ITSN1: variants seen among roughly 807,000 people sequenced by gnomAD.
The protein encoded by ITSN1 is intersectin 1, also known as intersectin-1.
ITSN1 carries 58 observed loss-of-function variants against 239.8 expected under a neutral mutation model. The ratio of observed to expected loss-of-function variants is 0.24; its 90% CI spans 0.20 to 0.30. The LOEUF is 0.30. Ranked by LOEUF, ITSN1 falls within the 10% of genes least tolerant of loss-of-function variation. ITSN1 has a pLI of 1.00. For synonymous variants in ITSN1, 780 were observed against 770.8 expected, an observed-to-expected ratio of 1.01 and a Z score of -0.20; for missense variants, 1,558 against 2,103.3, an observed-to-expected ratio of 0.74 and a Z score of 5.07.
chr21:33,823,751 A>G (rs1034501219), intron 25 of ITSN1, 98 bp downstream of exon 25: 9 of 1,168,248 alleles, frequency 7.7e-6, no homozygotes, highest in African/African-American at 6.1e-5. Flanking sequence ...GGGTTTTGCT[A>G]AGTTCTGGAA....
chr21:33,689,912 G>A (rs2091427115), intron 1 of ITSN1, among the ~76,000 whole-genome samples: 1 of 149,958 alleles, frequency 6.7e-6, no homozygotes, highest in African/African-American at 2.5e-5. Flanking sequence ...AGGTTGCAGT[G>A]AGCTGAGATT....
At chr21:33,821,506 T>G (rs1319180122) in intron 24 of ITSN1, among the ~76,000 whole-genome samples, 1 of 152,198 alleles carries the variant, frequency 6.6e-6, no homozygotes, top group African/African-American at 2.4e-5. Flanking sequence ...ATTTAAAATA[T>G]TGGCTTGGGG....
chr21:33,737,602 C>T (rs902315535), intron 5 of ITSN1, among the ~76,000 whole-genome samples: 6 of 152,072 alleles, frequency 3.9e-5, no homozygotes, highest in Non-Finnish European at 1.5e-5. Flanking sequence ...GAGACAGACT[C>T]TCACTTAGTC....
chr21:33,801,331 T>C (rs2148080046), intron 19 of ITSN1, among the ~76,000 whole-genome samples: 1 of 152,358 alleles, frequency 6.6e-6, no homozygotes, highest in African/African-American at 2.4e-5. Context: ...GGATCTTTAA[T>C]AGGCTAAAAT....
intron 34 of ITSN1, among the ~76,000 whole-genome samples, chr21:33,877,706 C>T (rs1200072848): frequency 6.6e-6 from 1 of 152,108 alleles, no homozygotes; most frequent in Admixed American, 6.6e-5. Flanking sequence ...GCAAGGTCAG[C>T]GTCAGCAGAT....
chr21:33,727,798 TC>T lies in ITSN1; in HGVS notation c.185+5149del, dbSNP rs2065918302. Among the ~76,000 whole-genome samples the T allele has an allele frequency of 1.3e-5, 2 of 151,740 alleles. 1 individual carries two copies. Among genetic ancestry groups the T allele is most frequent in the Non-Finnish European group, 2.9e-5 (2 of 67,960 alleles). The stretch of plus-strand genomic sequence containing the variant: ...TCTTTTCTTCACCCTGCATACCCAG[TC>T]CATCAACGTAATTGCATTTACGGAC... On this transcript the variant is annotated intron_variant, in intron 4 of 39. Transcript: ENST00000381318.
chr21:33,707,251 G>A (rs2092280699), intron 1 of ITSN1, among the ~76,000 whole-genome samples: 1 of 152,046 alleles, frequency 6.6e-6, no homozygotes, highest in African/African-American at 2.4e-5. Context: ...TGTAATTGAA[G>A]TGTACTAAAT....
chr21:33,846,342 C>G (rs1353135665), intron 29 of ITSN1, among the ~76,000 whole-genome samples: 9 of 152,192 alleles, frequency 5.9e-5, no homozygotes, highest in Admixed American at 6.5e-5. Context: ...TTCTGAATTC[C>G]TTATCACACA....
chr21:33,877,992 C>T (rs1193893201), intron 34 of ITSN1, among the ~76,000 whole-genome samples: 1 of 142,162 alleles, frequency 7.0e-6, no homozygotes, highest in Non-Finnish European at 1.5e-5. Flanking sequence ...GTCTCTCTTT[C>T]TCTTTCTCTC....
intron 20 of ITSN1, among the ~76,000 whole-genome samples, chr21:33,804,639 AG>A (rs1195078086): frequency 1.3e-5 from 2 of 152,180 alleles, no homozygotes; most frequent in East Asian, 3.9e-4. Flanking sequence ...CAATACTTGG[AG>A]GGTGAATTAA....
chr21:33,719,419 C>T (rs747551584), intron 2 of ITSN1, among the ~76,000 whole-genome samples: 2 of 152,038 alleles, frequency 1.3e-5, no homozygotes, highest in African/African-American at 2.4e-5. Context: ...CCAGCCTGGG[C>T]GACAGAGCAA....
At chr21:33,845,589 C>T (rs1366597728) in intron 29 of ITSN1, among the ~76,000 whole-genome samples, 1 of 152,092 alleles carries the variant, frequency 6.6e-6, no homozygotes. Flanking sequence ...CTCATTTATT[C>T]CTATTTGTGC....
chr21:33,821,251 A>G (rs913127818), intron 24 of ITSN1, among the ~76,000 whole-genome samples: 4 of 151,728 alleles, frequency 2.6e-5, no homozygotes, highest in Non-Finnish European at 5.9e-5. Context: ...ATTGGGCAAC[A>G]TAATAGAGTT....
intron 26 of ITSN1, 22 bp from the exon 27 acceptor site, chr21:33,829,602 C>T (rs749390972): frequency 4.8e-5 from 77 of 1,611,466 alleles, no homozygotes; most frequent in South Asian, 1.4e-4. Flanking sequence ...AGTGCACTGC[C>T]GTGTTTGATC....
chr21:33,724,172 G>A (rs1335805647), intron 4 of ITSN1, among the ~76,000 whole-genome samples: 1 of 151,626 alleles, frequency 6.6e-6, no homozygotes, highest in African/African-American at 2.4e-5. Flanking sequence ...GCTTTTTTTG[G>A]GTATCTGCTT....
chr21:33,717,595 A>G (rs377214553), intron 1 of ITSN1, among the ~76,000 whole-genome samples: 2 of 151,898 alleles, frequency 1.3e-5, no homozygotes. Flanking sequence ...TGGCTAAGTC[A>G]CCCAGGCTGG....
At chr21:33,849,184 G>A (rs2148454874) in intron 29 of ITSN1, among the ~76,000 whole-genome samples, 1 of 152,296 alleles carries the variant, frequency 6.6e-6, no homozygotes, top group East Asian at 1.9e-4. Context: ...GTTGCAGTGA[G>A]CTGAGATTGC....
intron 4 of ITSN1, among the ~76,000 whole-genome samples, chr21:33,723,095 G>A (rs982318735): frequency 6.6e-6 from 1 of 152,176 alleles, no homozygotes; most frequent in African/African-American, 2.4e-5. Context: ...AGATAATAGT[G>A]AATTATTTGA....
At chr21:33,861,262 G>T (rs1222648808) in intron 31 of ITSN1, among the ~76,000 whole-genome samples, 1 of 152,156 alleles carries the variant, frequency 6.6e-6, no homozygotes, top group South Asian at 2.1e-4. Context: ...ACTGTGATGA[G>T]GGGAGATCGA....
Sources: allele counts gnomAD v4.1 joint callset (sites outside exome capture counted in the v4.1 genomes callset), GRCh38; gene constraint gnomAD v4.1.1; transcripts MANE v1.5; gene names NCBI Gene and HGNC (gene_info 2026-07-23, HGNC 2026-07-21).